The following MRS2 variants were observed in gnomAD, a reference collection of about 807,000 sequenced individuals.
MRS2 encodes magnesium transporter MRS2, also known as magnesium transporter MRS2 homolog, mitochondrial.
Under a neutral mutation model 52.6 loss-of-function variants are expected in MRS2, and 40 were observed. The observed-to-expected ratio is 0.76, with a 90% CI of 0.59 to 0.99. MRS2 has a LOEUF of 0.99. MRS2 is among the 50% of genes least tolerant of loss of function. MRS2 has a pLI of 0.00. For missense variants in MRS2, 472 were observed against 532.7 expected, an observed-to-expected ratio of 0.89 and a Z score of 1.12; for synonymous variants, 193 against 195.9, an observed-to-expected ratio of 0.98 and a Z score of 0.13.
At chr6:24,416,661 G>A (rs1761860327) in intron 7 of MRS2, 148 bp downstream of exon 7, 1 of 637,474 alleles carries the variant, frequency 1.6e-6, no homozygotes, top group Non-Finnish European at 2.8e-6. Context: ...CTTTTTTCCT[G>A]TGCAGTATCG....
chr6:24,404,818 C>T (rs769055385), intron 1 of MRS2, among the ~76,000 whole-genome samples: 12 of 152,244 alleles, frequency 7.9e-5, no homozygotes, highest in African/African-American at 1.4e-4. Context: ...TTAAATTATG[C>T]GAAAAGGAAG....
intron 2 of MRS2, among the ~76,000 whole-genome samples, chr6:24,407,175 A>G (rs1761502343): frequency 6.9e-6 from 1 of 145,180 alleles, no homozygotes; most frequent in Non-Finnish European, 1.6e-5. Context: ...TCAGGTGATT[A>G]ATATAGTTTT....
Position 24,412,203 on chromosome 6 carries a change from G to GTTTTTTT in MRS2, c.415-12_415-6dup. 8.2e-7 allele frequency: 1 copy of GTTTTTTT among 1,220,582 alleles called. No homozygotes were observed. Among genetic ancestry groups the GTTTTTTT allele is most frequent in the Non-Finnish European group, 1.1e-6 (1 of 897,732 alleles). 75.6% of individuals were successfully genotyped at this position (1,220,582 alleles called of 1,614,324 possible). Reference sequence around the variant, plus strand: ...TACACTCACATATTTATATGTTTTGGTTTTTTTTTTTTTAACAGTATTTGA... The same window carrying GTTTTTTT: ...TACACTCACATATTTATATGTTTTGGTTTTTTTTTTTTTTTTTTTTAACAGTATTTGA... On this transcript the variant is annotated intron_variant, in intron 4 of 10. Coordinates refer to ENST00000378386, the MANE Select transcript of MRS2 (RefSeq NM_020662.4).
intron 2 of MRS2, among the ~76,000 whole-genome samples, chr6:24,405,789 CA>C (rs529617637): frequency 0.017 from 1,847 of 109,808 alleles, 30 homozygotes; most frequent in African/African-American, 0.056. Flanking sequence ...TTTTTTTTTC[CA>C]AAAAAAAAAA....
In MRS2 at chr6:24,409,574, G is replaced by A. The variant is rs144797069; in HGVS notation, c.414+1G>A. 2 of 1,516,680 alleles carry A rather than the reference G, an allele frequency of 1.3e-6. No individual in the cohort carries two copies. The highest frequency in any genetic ancestry group is 2.8e-5 in the African/African-American group (2 of 72,104). 94.0% of individuals were successfully genotyped at this position (1,516,680 alleles called of 1,614,324 possible). On this transcript the variant is annotated splice_donor_variant, in intron 4 of 10. Coordinates refer to ENST00000378386, the MANE Select transcript of MRS2 (RefSeq NM_020662.4). LOFTEE classifies it high-confidence loss of function. ...CAATAGGATTATCATGAGAATGGAG[G>A]TAAAATATTTTATTTTCATCTATGT...
At chr6:24,406,026 A>G (rs1761462037) in intron 2 of MRS2, among the ~76,000 whole-genome samples, 1 of 148,246 alleles carries the variant, frequency 6.7e-6, no homozygotes, top group Non-Finnish European at 1.5e-5. Context: ...AATGGCATGA[A>G]CCCAGGAGGC....
intron 10 of MRS2, chr6:24,423,383 G>T: frequency 6.1e-6 from 3 of 490,180 alleles, no homozygotes; most frequent in Non-Finnish European, 7.3e-6. Context: ...GGAAATGTAG[G>T]AAACATTTAT....
intron 7 of MRS2, among the ~76,000 whole-genome samples, chr6:24,417,847 CAGG>C (rs1336186923): frequency 6.6e-6 from 1 of 151,564 alleles, no homozygotes; most frequent in Non-Finnish European, 1.5e-5. Context: ...GAGGCTGAAG[CAGG>C]AGAACAGCTT....
At chr6:24,407,383 T>G (rs1022269652) in intron 2 of MRS2, among the ~76,000 whole-genome samples, 2 of 152,116 alleles carry the variant, frequency 1.3e-5, no homozygotes, top group Admixed American at 1.3e-4. Context: ...ATATTGTGAG[T>G]TTTTATTGTG....
chr6:24,402,993 C>G lies in MRS2; in HGVS notation c.-54C>G. 6.8e-7 allele frequency: 1 copy of G among 1,473,260 alleles called. No homozygotes were observed. Among genetic ancestry groups the G allele is most frequent in the Non-Finnish European group, 9.1e-7 (1 of 1,102,980 alleles). 91.3% of individuals were successfully genotyped at this position (1,473,260 alleles called of 1,614,324 possible). ...TCAGAGCTGCGGCCTGAGCAGCCAG[C>G]GTCCGGCATGAAGGTCTGGGGTCTG... On this transcript the variant is annotated 5_prime_UTR_variant, in exon 1 of 11. Transcript: ENST00000378386.
chr6:24,417,645 A>G (rs143873221), intron 7 of MRS2, among the ~76,000 whole-genome samples: 76 of 152,336 alleles, frequency 5.0e-4, no homozygotes, highest in African/African-American at 1.7e-3. Context: ...GGCCACAACA[A>G]TAGAAAAGAC....
intron 9 of MRS2, among the ~76,000 whole-genome samples, chr6:24,422,666 G>A (rs1332202468): frequency 6.6e-6 from 1 of 152,122 alleles, no homozygotes; most frequent in East Asian, 1.9e-4. Flanking sequence ...AGATTTGCAC[G>A]CATGTAAACA....
chr6:24,422,092 G>A (rs1762062197), intron 9 of MRS2, among the ~76,000 whole-genome samples: 1 of 152,222 alleles, frequency 6.6e-6, no homozygotes, highest in African/African-American at 2.4e-5. Flanking sequence ...GGAGGTTGCA[G>A]TGAGCCAAGA....
At position 24,412,339 on chromosome 6, in the gene MRS2, G is replaced by A. The variant is rs200245617; in HGVS notation, c.532G>A (p.Val178Ile). The A allele has an allele frequency of 7.5e-4, 1,192 of 1,596,870 alleles. 13 individuals are homozygous for A. The highest frequency in any genetic ancestry group is 7.2e-3 in the South Asian group (630 of 87,910). The change falls in exon 5 of 11, where the codon GTT becomes ATT. Residue 178 changes from valine to isoleucine, a missense_variant. Val to Ile is a conservative substitution (Grantham distance 29). Transcript: ENST00000378386. ...ACAGTTGTCTGGAGAGGGTCAACTC[G>A]TTACATACCCTTTACCTTTTGAGTT... ...PSQLSGEGQL[V>I]TYPLPFEFRA... is the part of the protein sequence containing the mutation.
At chr6:24,423,154 C>A (rs987076970) in intron 10 of MRS2, 104 bp downstream of exon 10, 3 of 852,974 alleles carry the variant, frequency 3.5e-6, no homozygotes, top group African/African-American at 1.7e-5. Context: ...ATGGCCCTTG[C>A]GAGTTGCTTT....
In MRS2 at chr6:24,415,033, A is replaced by T; in HGVS notation, c.589A>T (p.Ile197Phe). Reference sequence around the variant, plus strand: ...TATGAAAGGTCATGTTGTTATCTAGATCAACACCCTTCAGGGGAAACTTAG... The same window carrying T: ...TATGAAAGGTCATGTTGTTATCTAGTTCAACACCCTTCAGGGGAAACTTAG... ...RAIEALLQYW[I>F]NTLQGKLSIL... Residue 197 changes from isoleucine to phenylalanine, a missense_variant and splice_region_variant, in exon 6 of 11, where the codon ATC becomes TTC. Coordinates refer to ENST00000378386, the MANE Select transcript of MRS2 (RefSeq NM_020662.4). The T allele has an allele frequency of 1.2e-6, 2 of 1,604,214 alleles. No homozygotes were observed. Among genetic ancestry groups the T allele is most frequent in the Non-Finnish European group, 1.7e-6 (2 of 1,172,804 alleles).
Position 24,412,218 on chromosome 6 carries a change from A to G in MRS2, c.415-4A>G. ...ATATGTTTTGGTTTTTTTTTTTTTAACAGTATTTGAAAGCTGTGATAACTC... is the reference window on the plus strand; with the variant it reads ...ATATGTTTTGGTTTTTTTTTTTTTAGCAGTATTTGAAAGCTGTGATAACTC... On this transcript the variant is annotated splice_region_variant and splice_polypyrimidine_tract_variant and intron_variant, in intron 4 of 10. Transcript: ENST00000378386. The G allele has an allele frequency of 1.4e-6, 2 of 1,469,216 alleles. No individual in the cohort carries two copies. Among genetic ancestry groups the G allele is most frequent in the South Asian group, 1.4e-5 (1 of 69,980 alleles). The allele number at this position is 1,469,216 out of a possible 1,614,324, so 91.0% of individuals were successfully genotyped here.
chr6:24,414,975 TC>T (rs1324158723), intron 5 of MRS2, 57 bp from the exon 6 acceptor site: 5 of 1,448,092 alleles, frequency 3.5e-6, no homozygotes, highest in Non-Finnish European at 3.8e-6. Context: ...GATTCACTGA[TC>T]CTGAATATTC....
rs570400621 is a variant in MRS2, at chr6:24,423,755, T to C, written c.*61T>C. The C allele has an allele frequency of 6.8e-6, 5 of 738,570 alleles. No homozygotes were observed. Among genetic ancestry groups the C allele is most frequent in the Non-Finnish European group, 1.1e-5 (5 of 451,680 alleles). The allele number at this position is 738,570 out of a possible 1,614,324, so 45.8% of individuals were successfully genotyped here. A position where few individuals can be genotyped will look rare whatever the true frequency, so the allele number is the denominator to read the frequency against. On this transcript the variant is annotated 3_prime_UTR_variant, in exon 11 of 11. Transcript: ENST00000378386. ...TAGTTACAGGAAACTTCTGATACTC[T>C]TTTTATTATTTTCTTGTATAGAGTC... is the stretch of plus-strand genomic sequence containing the variant.
Sources: gnomAD v4.1 joint callset for allele counts (sites outside exome capture counted in the v4.1 genomes callset) on GRCh38, gnomAD v4.1.1 for gene constraint, MANE v1.5 for transcripts, NCBI Gene and HGNC (gene_info 2026-07-23, HGNC 2026-07-21) for gene names.